HAAO: variants seen among roughly 807,000 people sequenced by gnomAD.
HAAO encodes 3-hydroxyanthranilate oxygenase.
Under a neutral mutation model 46.2 loss-of-function variants are expected in HAAO, and 49 were observed. The ratio of observed to expected loss-of-function variants is 1.06; its 90% CI spans 0.84 to 1.34. The LOEUF (loss-of-function observed/expected upper bound fraction) is 1.34, where lower values mean the gene tolerates loss of function less well. Ranked by LOEUF, HAAO falls within the 40% of genes most tolerant of loss-of-function variation. HAAO has a pLI of 0.00. For missense variants in HAAO, 408 were observed against 364.5 expected (o/e 1.12, Z -0.97); for synonymous variants, 157 against 145.2 (o/e 1.08, Z -0.58).
Position 42,769,751 on chromosome 2 carries a change from T to A in HAAO, c.592A>T (p.Thr198Ser). The change falls in exon 7 of 10, where the codon ACA becomes TCA. Residue 198 changes from threonine (T) to serine (S), a missense_variant. Coordinates refer to ENST00000294973, the MANE Select transcript of HAAO (RefSeq NM_012205.3). Reference protein sequence around the residue: ...DSHHRELQAGTPLSLFGDTYE... With the variant: ...DSHHRELQAGSPLSLFGDTYE... ...GTGTCCCCAAACAGGCTGAGTGGTGTGCCTGCCTGCAGCTCCCTGTGGTGG... is the reference window on the plus strand; with the variant it reads ...GTGTCCCCAAACAGGCTGAGTGGTGAGCCTGCCTGCAGCTCCCTGTGGTGG... The A allele has an allele frequency of 6.2e-7, 1 of 1,613,890 alleles. No individual in the cohort carries two copies. The highest frequency in any genetic ancestry group is 1.1e-5 in the South Asian group (1 of 91,014).
At chr2:42,775,936 GT>G (rs1198338277) in intron 4 of HAAO, among the ~76,000 whole-genome samples, 26 of 149,190 alleles carry the variant, frequency 1.7e-4, no homozygotes, top group African/African-American at 6.4e-4. Context: ...TTAAGGAAGA[GT>G]GTGGTTTTAT....
chr2:42,770,952 CTTAGAGAGCAT>C (rs1440536822), intron 4 of HAAO, among the ~76,000 whole-genome samples: 2 of 152,240 alleles, frequency 1.3e-5, no homozygotes, highest in Non-Finnish European at 2.9e-5. Flanking sequence ...ATCTTAAAAA[CTTAGAGAGCAT>C]CTAATCGCAG....
At chr2:42,771,366 G>A (rs1467379806) in intron 4 of HAAO, among the ~76,000 whole-genome samples, 3 of 151,646 alleles carry the variant, frequency 2.0e-5, no homozygotes, top group Non-Finnish European at 4.4e-5. Context: ...AGCGGAGGTT[G>A]CAGTGAGCCA....
intron 4 of HAAO, among the ~76,000 whole-genome samples, chr2:42,777,887 A>G (rs1029270718): frequency 3.3e-5 from 5 of 152,234 alleles, no homozygotes; most frequent in Non-Finnish European, 5.9e-5. Flanking sequence ...TCATGTATAA[A>G]ACAAGGTAAA....
At chr2:42,780,452 C>A (rs948190152) in intron 4 of HAAO, among the ~76,000 whole-genome samples, 1 of 151,766 alleles carries the variant, frequency 6.6e-6, no homozygotes, top group African/African-American at 2.4e-5. Flanking sequence ...GTGATCCACC[C>A]GCCTCGGCTT....
At chr2:42,773,803 GTCTC>G (rs1187768621) in intron 4 of HAAO, among the ~76,000 whole-genome samples, 1 of 152,034 alleles carries the variant, frequency 6.6e-6, no homozygotes, top group Non-Finnish European at 1.5e-5. Context: ...AGCCAGGATG[GTCTC>G]TCTCGATCTC....
At chr2:42,776,580 T>C (rs2104650469) in intron 4 of HAAO, among the ~76,000 whole-genome samples, 1 of 151,090 alleles carries the variant, frequency 6.6e-6, no homozygotes, top group South Asian at 2.1e-4. Context: ...CCGACTTCTC[T>C]CTGTACCTTA....
intron 4 of HAAO, among the ~76,000 whole-genome samples, chr2:42,771,352 G>A (rs1444693149): frequency 7.9e-5 from 12 of 151,818 alleles, no homozygotes; most frequent in South Asian, 2.1e-4. Context: ...TGCTTGAACC[G>A]GGAAGCGGAG....
chr2:42,782,719 G>C (rs1259992818), intron 4 of HAAO: 1 of 270,824 alleles, frequency 3.7e-6, no homozygotes, highest in East Asian at 1.2e-4. Context: ...CCTTTGGAGA[G>C]GCTAATCAGA....
At chr2:42,772,553 C>T (rs748702468) in intron 4 of HAAO, among the ~76,000 whole-genome samples, 3 of 150,988 alleles carry the variant, frequency 2.0e-5, no homozygotes, top group Non-Finnish European at 4.4e-5. Flanking sequence ...AGAAATAAGA[C>T]AAGATGGAAG....
rs530421638 is a variant in HAAO at position 42,771,351 on chromosome 2, C to T, written c.351-769G>A. Among the ~76,000 whole-genome samples the T allele has an allele frequency of 7.3e-4, 111 of 151,778 alleles. 1 individual carries two copies. In the East Asian group the frequency reaches 0.012, roughly 16 times the overall value. On this transcript the variant is annotated intron_variant, in intron 4 of 9. Coordinates refer to ENST00000294973, the MANE Select transcript of HAAO (RefSeq NM_012205.3). ...GCCGAGGCAGGAGAATTGCTTGAAC[C>T]GGGAAGCGGAGGTTGCAGTGAGCCA...
intron 3 of HAAO, 120 bp downstream of exon 3, chr2:42,783,664 G>GT: frequency 1.2e-6 from 1 of 865,606 alleles, no homozygotes; most frequent in Non-Finnish European, 1.9e-6. Flanking sequence ...AGGGGAAGGT[G>GT]TGGGAGAGCA....
rs367576716 is a variant in HAAO, at chr2:42,767,402, C to T, written c.*35G>A. The stretch of plus-strand genomic sequence containing the variant: ...AGGGATGGCACTCGAGGGTGCTTGG[C>T]ACACCTGTGGCTGCTTCAGGCCATG... On this transcript the variant is annotated 3_prime_UTR_variant, in exon 10 of 10. Coordinates refer to ENST00000294973, the MANE Select transcript of HAAO (RefSeq NM_012205.3). 4 of 1,510,976 alleles carry T rather than the reference C, an allele frequency of 2.6e-6. No homozygotes were observed. Among genetic ancestry groups the T allele is most frequent in the South Asian group, 1.1e-5 (1 of 87,686 alleles). The allele number at this position is 1,510,976 out of a possible 1,614,324, so 93.6% of individuals were successfully genotyped here. A position where few individuals can be genotyped will look rare whatever the true frequency, so the allele number is the denominator to read the frequency against.
chr2:42,770,079 CA>C, intron 6 of HAAO, 63 bp downstream of exon 6: 1 of 1,502,358 alleles, frequency 6.7e-7, no homozygotes, highest in Non-Finnish European at 9.2e-7. Flanking sequence ...TCCCCTGGAC[CA>C]AAACCCATCC....
Position 42,768,313 on chromosome 2 carries a change from G to A in HAAO, c.631-385C>T, listed in dbSNP as rs186962302. Among the ~76,000 whole-genome samples the A allele has an allele frequency of 6.4e-3, 973 of 152,290 alleles. 4 individuals carry two copies. Among genetic ancestry groups the A allele is most frequent in the Middle Eastern group, 0.017 (5 of 294 alleles). On this transcript the variant is annotated intron_variant, in intron 7 of 9. Transcript: ENST00000294973. ...TGAGTCTGGCCTCAGGAGGAGGAGG[G>A]GACAAGGAAGGTGAGGCTGAGGGCT...
intron 4 of HAAO, among the ~76,000 whole-genome samples, chr2:42,774,621 A>G (rs560681500): frequency 2.6e-5 from 4 of 152,216 alleles, no homozygotes; most frequent in African/African-American, 9.6e-5. Context: ...TCCTGCTTCT[A>G]GGATGGTAGA....
At chr2:42,772,123 C>T (rs1257055040) in intron 4 of HAAO, among the ~76,000 whole-genome samples, 12 of 152,318 alleles carry the variant, frequency 7.9e-5, no homozygotes, top group Admixed American at 7.2e-4. Context: ...TCTGTCTCTA[C>T]AACAGACTGT....
rs772732181 is a variant in HAAO at position 42,767,904 on chromosome 2, T to C, written c.655A>G (p.Ser219Gly). ...TQVIAYGQGSSEGLRQNVDVW... is the reference protein window; with the variant it reads ...TQVIAYGQGSGEGLRQNVDVW... ...TCCACATTCTGTCTCAGGCCTTCGCTGCTGCCTTGCCCATAGGCGATCACC... is the reference window on the plus strand; with the variant it reads ...TCCACATTCTGTCTCAGGCCTTCGCCGCTGCCTTGCCCATAGGCGATCACC... The change falls in exon 8 of 10, where the codon AGC becomes GGC. Residue 219 changes from serine to glycine, a missense_variant. Coordinates refer to ENST00000294973, the MANE Select transcript of HAAO (RefSeq NM_012205.3). The C allele has an allele frequency of 6.2e-7, 1 of 1,614,010 alleles. No individual in the cohort carries two copies. Among genetic ancestry groups the C allele is most frequent in the South Asian group, 1.1e-5 (1 of 91,084 alleles).
rs766112047 is a variant in HAAO, at chr2:42,792,563, G to T, written c.-27C>A. On this transcript the variant is annotated 5_prime_UTR_variant, in exon 1 of 10. Coordinates refer to ENST00000294973, the MANE Select transcript of HAAO (RefSeq NM_012205.3). ...ACTGTCCCGGGCGCCTCCTCGCAGC[G>T]CTGTCCTCCCGCCGTCGGAGGCCCG... is the stretch of plus-strand genomic sequence containing the variant. 1 of 1,505,270 alleles carries T rather than the reference G, an allele frequency of 6.6e-7. No homozygotes were observed. Among genetic ancestry groups the T allele is most frequent in the African/African-American group, 1.4e-5 (1 of 69,196 alleles). The allele number at this position is 1,505,270 out of a possible 1,614,324, so 93.2% of individuals were successfully genotyped here. A position where few individuals can be genotyped will look rare whatever the true frequency, so the allele number is the denominator to read the frequency against.
Sources: gnomAD v4.1 joint callset for allele counts (sites outside exome capture counted in the v4.1 genomes callset) on GRCh38, gnomAD v4.1.1 for gene constraint, MANE v1.5 for transcripts, NCBI Gene and HGNC (gene_info 2026-07-23, HGNC 2026-07-21) for gene names.